Variants in KRT86 observed in about 807,000 individuals in gnomAD.
KRT86 encodes the protein keratin 86, also known as keratin, type II cuticular Hb6.
KRT86 carries 30 observed loss-of-function variants against 41.2 expected under a neutral mutation model. The observed-to-expected ratio is 0.73, with a 90% CI of 0.54 to 0.99. KRT86 has a LOEUF of 0.99. Ranked by LOEUF, KRT86 falls within the 50% of genes least tolerant of loss-of-function variation. The pLI, the probability that KRT86 is intolerant of heterozygous loss-of-function variation, is 0.00. For missense variants in KRT86, 561 were observed against 571.4 expected, an observed-to-expected ratio of 0.98 and a Z score of 0.19; for synonymous variants, 238 against 238.1, an observed-to-expected ratio of 1.00 and a Z score of 0.00.
intron 2 of KRT86, among the ~76,000 whole-genome samples, chr12:52,281,859 C>G (rs1222064123): frequency 6.6e-6 from 1 of 152,158 alleles, no homozygotes; most frequent in African/African-American, 2.4e-5. Context: ...CTGCCTCAAC[C>G]TCCTCAGTAG....
chr12:52,308,690 C>G lies in KRT86; in HGVS notation c.*105C>G. 9.1e-7 allele frequency: 1 copy of G among 1,104,932 alleles called. No individual in the cohort carries two copies. The highest frequency in any genetic ancestry group is 1.4e-5 in the South Asian group (1 of 72,660). 68.4% of individuals were successfully genotyped at this position (1,104,932 alleles called of 1,614,324 possible). A position where few individuals can be genotyped will look rare whatever the true frequency, so the allele number is the denominator to read the frequency against. On this transcript the variant is annotated 3_prime_UTR_variant, in exon 11 of 11. Transcript: ENST00000423955. ...GCGCCGGCCTCCCAATAGCCGCCGC[C>G]CGCTGCCTGCACTCTAAGCGCCCTC...
At position 52,305,056 on chromosome 12, in the gene KRT86, T is replaced by C. The variant is rs200950753; in HGVS notation, c.735+29T>C. 1.5e-4 allele frequency: 236 copies of C among 1,613,080 alleles called. 3 individuals carry two copies. In the East Asian group the frequency reaches 4.9e-3, roughly 33 times the overall value. Reference sequence around the variant, plus strand: ...CGGGCTCAGGGGCCAGGCAGAGACCTGGCAGCCAGCAGAGAGGAGAGATGG... The same window carrying C: ...CGGGCTCAGGGGCCAGGCAGAGACCCGGCAGCCAGCAGAGAGGAGAGATGG... On this transcript the variant is annotated intron_variant, in intron 6 of 10. Coordinates refer to ENST00000423955, the MANE Select transcript of KRT86 (RefSeq NM_001320198.2).
Position 52,305,000 on chromosome 12 carries a change from C to T in KRT86, c.708C>T (p.Ile236=), listed in dbSNP as rs778154101. 33 of 1,613,954 alleles carry T rather than the reference C, an allele frequency of 2.0e-5. No individual in the cohort carries two copies. Among genetic ancestry groups the T allele is most frequent in the Non-Finnish European group, 2.4e-5 (28 of 1,180,016 alleles). Residue 236 remains isoleucine, a synonymous_variant, in exon 6 of 11, where the codon ATC becomes ATT. Transcript: ENST00000423955. ...EANVEALIQE[I]DFLRRLYEEE... is the part of the protein sequence containing the mutation. ...ATGTGGAGGCCCTGATCCAGGAGAT[C>T]GACTTCCTGAGGCGGCTGTATGAGG... is the stretch of plus-strand genomic sequence containing the variant.
At chr12:52,284,738 C>T (rs966443688) in intron 2 of KRT86, among the ~76,000 whole-genome samples, 43 of 152,160 alleles carry the variant, frequency 2.8e-4, no homozygotes, top group African/African-American at 1.0e-3. Context: ...CCCATTTCTG[C>T]TGTATTTTCT....
intron 5 of KRT86, among the ~76,000 whole-genome samples, chr12:52,304,574 A>G (rs1482393661): frequency 2.0e-5 from 3 of 151,832 alleles, no homozygotes; most frequent in Non-Finnish European, 4.4e-5. Flanking sequence ...ATGGAGAAGA[A>G]CCAGGAGTAG....
intron 2 of KRT86, chr12:52,288,131 C>T (rs149438181): frequency 2.6e-5 from 42 of 1,614,040 alleles, no homozygotes; most frequent in Non-Finnish European, 3.4e-5. Flanking sequence ...AGATGTGCGA[C>T]TGGAGAATGA....
intron 5 of KRT86, among the ~76,000 whole-genome samples, chr12:52,304,484 C>T (rs1292128233): frequency 6.6e-6 from 1 of 150,668 alleles, no homozygotes; most frequent in Non-Finnish European, 1.5e-5. Flanking sequence ...AATGTCTCTG[C>T]TGAGAGACAG....
chr12:52,274,896 C>T (rs777589642), intron 1 of KRT86, 174 bp downstream of exon 1: 5 of 193,650 alleles, frequency 2.6e-5, no homozygotes, highest in Middle Eastern at 2.5e-3. Context: ...CTCCATCTGC[C>T]CTAGAAGAAA....
chr12:52,286,382 C>T (rs1409457742), intron 2 of KRT86: 1 of 1,555,328 alleles, frequency 6.4e-7, no homozygotes. Context: ...CAGGCCGGTG[C>T]TCACCGCCAC....
At chr12:52,304,657 C>T (rs944140239) in intron 5 of KRT86, among the ~76,000 whole-genome samples, 4 of 151,652 alleles carry the variant, frequency 2.6e-5, no homozygotes, top group South Asian at 2.1e-4. Flanking sequence ...TCAGTCTGGG[C>T]AGGCTTCCTG....
At position 52,308,822 on chromosome 12, in the gene KRT86, C is replaced by T. The variant is rs1938579661; in HGVS notation, c.*237C>T. 1.8e-6 allele frequency: 1 copy of T among 568,218 alleles called. No homozygotes were observed. Among genetic ancestry groups the T allele is most frequent in the Admixed American group, 3.1e-5 (1 of 31,952 alleles). The allele number at this position is 568,218 out of a possible 1,614,324, so 35.2% of individuals were successfully genotyped here. A position where few individuals can be genotyped will look rare whatever the true frequency, so the allele number is the denominator to read the frequency against. ...CTTTCCTGGTAGTCAATTTGTTGTC[C>T]CGAGGATTCATCTTTTTCTTCCGCC... On this transcript the variant is annotated 3_prime_UTR_variant, in exon 11 of 11. Coordinates refer to ENST00000423955, the MANE Select transcript of KRT86 (RefSeq NM_001320198.2).
At chr12:52,281,326 T>C (rs1273749776) in intron 2 of KRT86, among the ~76,000 whole-genome samples, 1 of 152,236 alleles carries the variant, frequency 6.6e-6, no homozygotes, top group Non-Finnish European at 1.5e-5. Context: ...TATTTAAACA[T>C]GTCAGATGCT....
At position 52,305,043 on chromosome 12, in the gene KRT86, C is replaced by T. The variant is rs965384594; in HGVS notation, c.735+16C>T. The stretch of plus-strand genomic sequence containing the variant: ...GTATGAGGAGGTGCGGGCTCAGGGG[C>T]CAGGCAGAGACCTGGCAGCCAGCAG... On this transcript the variant is annotated intron_variant, in intron 6 of 10. Transcript: ENST00000423955. 6.8e-6 allele frequency: 11 copies of T among 1,613,350 alleles called. No homozygotes were observed. The African/African-American group carries it at 1.5e-4, about 22-fold the overall frequency.
At chr12:52,307,616 G>A (rs1441741254) in intron 9 of KRT86, among the ~76,000 whole-genome samples, 2 of 152,140 alleles carry the variant, frequency 1.3e-5, no homozygotes, top group African/African-American at 4.8e-5. Context: ...CCTCCTTCTG[G>A]GCCTCAGCCT....
In KRT86 at chr12:52,308,839, T is replaced by C; in HGVS notation, c.*254T>C. The C allele has an allele frequency of 1.8e-6, 1 of 543,358 alleles. No individual in the cohort carries two copies. The highest frequency in any genetic ancestry group is 3.3e-6 in the Non-Finnish European group (1 of 307,012). The allele number at this position is 543,358 out of a possible 1,614,324, so 33.7% of individuals were successfully genotyped here. Reference sequence around the variant, plus strand: ...TTGTTGTCCCGAGGATTCATCTTTTTCTTCCGCCTGCCTTCTGTTTTTTTT... The same window carrying C: ...TTGTTGTCCCGAGGATTCATCTTTTCCTTCCGCCTGCCTTCTGTTTTTTTT... On this transcript the variant is annotated 3_prime_UTR_variant, in exon 11 of 11. Transcript: ENST00000423955.
intron 2 of KRT86, 49 bp from the exon 3 acceptor site, chr12:52,301,864 C>G (rs985012014): frequency 4.3e-6 from 7 of 1,613,528 alleles, no homozygotes; most frequent in Non-Finnish European, 5.1e-6. Flanking sequence ...CCACTGTGCT[C>G]TCCATTCGGA....
At chr12:52,295,599 C>T (rs373892821) in intron 2 of KRT86, among the ~76,000 whole-genome samples, 1 of 152,208 alleles carries the variant, frequency 6.6e-6, no homozygotes, top group East Asian at 1.9e-4. Flanking sequence ...GAGAGCTCAC[C>T]CTTGTTCTTG....
At chr12:52,284,579 T>A (rs1937866885) in intron 2 of KRT86, among the ~76,000 whole-genome samples, 1 of 152,196 alleles carries the variant, frequency 6.6e-6, no homozygotes, top group Non-Finnish European at 1.5e-5. Flanking sequence ...TAGGATTGTG[T>A]CCCTCTCAGA....
At chr12:52,300,847 C>G (rs867785990) in intron 2 of KRT86, among the ~76,000 whole-genome samples, 1 of 152,146 alleles carries the variant, frequency 6.6e-6, no homozygotes, top group Non-Finnish European at 1.5e-5. Flanking sequence ...CCTTCTAGGC[C>G]CTGGAGGTTA....
Sources: allele counts gnomAD v4.1 joint callset (sites outside exome capture counted in the v4.1 genomes callset), GRCh38; gene constraint gnomAD v4.1.1; transcripts MANE v1.5; gene names NCBI Gene and HGNC (gene_info 2026-07-23, HGNC 2026-07-21).